The following MAP3K11 variants were observed in gnomAD, a reference collection of about 807,000 sequenced individuals.
MAP3K11 encodes the protein mitogen-activated protein kinase kinase kinase 11.
In MAP3K11, 46 loss-of-function variants were observed where a neutral mutation model predicts 84.9. The ratio of observed to expected loss-of-function variants is 0.54; its 90% CI spans 0.43 to 0.69. The LOEUF is 0.69. Among genes scored for constraint, MAP3K11 ranks in the 30% least tolerant of loss-of-function variants. The pLI is 0.00. For synonymous variants in MAP3K11, 527 were observed against 514.7 expected, an observed-to-expected ratio of 1.02 and a Z score of -0.32; for missense variants, 1,053 against 1,198.3, an observed-to-expected ratio of 0.88 and a Z score of 1.79.
chr11:65,607,514 C>A lies in MAP3K11; in HGVS notation c.1246-1G>T. 1.3e-6 allele frequency: 2 copies of A among 1,565,388 alleles called. No individual in the cohort carries two copies. The highest frequency in any genetic ancestry group is 8.6e-7 in the Non-Finnish European group (1 of 1,163,090). ...GCTCCTCCTCGCGGCTCAGTAGTTC[C>A]TGCGCCCGAGACAGCGATGGTGGAG... On this transcript the variant is annotated splice_acceptor_variant, in intron 4 of 9. Coordinates refer to ENST00000309100, the MANE Select transcript of MAP3K11 (RefSeq NM_002419.4). LOFTEE classifies it high-confidence loss of function.
intron 8 of MAP3K11, among the ~76,000 whole-genome samples, chr11:65,602,414 A>C (rs908238975): frequency 6.6e-6 from 1 of 152,008 alleles, no homozygotes; most frequent in Non-Finnish European, 1.5e-5. Flanking sequence ...GGGAAGCTGA[A>C]GCAGGTGGCT....
intron 8 of MAP3K11, among the ~76,000 whole-genome samples, chr11:65,604,180 A>G (rs78416147): frequency 0.012 from 1,860 of 152,366 alleles, 29 homozygotes; most frequent in African/African-American, 0.043. Context: ...TTCTCTTCAT[A>G]AATAATTAAC....
chr11:65,607,859 C>T (rs1485928878), intron 3 of MAP3K11, 43 bp from the exon 4 acceptor site: 1 of 1,606,112 alleles, frequency 6.2e-7, no homozygotes, highest in South Asian at 1.1e-5. Flanking sequence ...AGAAGGGGTC[C>T]GTGGGTGGAT....
Position 65,613,158 on chromosome 11 carries a change from G to T in MAP3K11, c.599C>A (p.Pro200His). ...CLVMEYAAGG[P>H]LSRALAGRRV... ...CCGCCCGGCCAGAGCTCGGCTGAGG[G>T]GCCCACCGGCTGCATACTCCATCAC... is the stretch of plus-strand genomic sequence containing the variant. The change falls in exon 1 of 10, where the codon CCC (proline) becomes CAC (histidine). Residue 200 changes from proline to histidine, a missense_variant. Coordinates refer to ENST00000309100, the MANE Select transcript of MAP3K11 (RefSeq NM_002419.4). The T allele has an allele frequency of 6.3e-7, 1 of 1,591,696 alleles. No individual in the cohort carries two copies. Among genetic ancestry groups the T allele is most frequent in the Non-Finnish European group, 8.6e-7 (1 of 1,168,530 alleles).
chr11:65,607,072 G>T, intron 5 of MAP3K11, 198 bp downstream of exon 5: 6 of 827,618 alleles, frequency 7.2e-6, no homozygotes, highest in Non-Finnish European at 1.0e-5. Context: ...CCCACTCCCA[G>T]ACCGACATGC....
chr11:65,600,650 A>G (rs1854445954), intron 8 of MAP3K11, among the ~76,000 whole-genome samples: 1 of 152,188 alleles, frequency 6.6e-6, no homozygotes, highest in Non-Finnish European at 1.5e-5. Flanking sequence ...ACCCCTCATT[A>G]AGGACAAGGG....
chr11:65,610,762 CA>C (rs1230101923), intron 1 of MAP3K11: 1 of 152,268 alleles, frequency 6.6e-6, no homozygotes, highest in East Asian at 1.9e-4. Flanking sequence ...GGCCACTCTC[CA>C]CCTTTTTCAG....
At position 65,605,931 on chromosome 11, in the gene MAP3K11, C is replaced by T. The variant is rs370906433; in HGVS notation, c.1739+15G>A. 297 of 1,604,320 alleles carry T rather than the reference C, an allele frequency of 1.9e-4. 1 individual carries two copies. The highest frequency in any genetic ancestry group is 1.7e-4 in the Middle Eastern group (1 of 6,034). ...AGCAAATGATGCTGGGTCTGGGGGGCACTCAGGTACTCACCTCCCATTCTG... is the reference window on the plus strand; with the variant it reads ...AGCAAATGATGCTGGGTCTGGGGGGTACTCAGGTACTCACCTCCCATTCTG... On this transcript the variant is annotated intron_variant, in intron 7 of 9. Coordinates refer to ENST00000309100, the MANE Select transcript of MAP3K11 (RefSeq NM_002419.4).
chr11:65,606,371 CT>C (rs1396352665), intron 6 of MAP3K11: 7 of 427,658 alleles, frequency 1.6e-5, no homozygotes, highest in Non-Finnish European at 2.5e-5. Context: ...TAACAAGTTA[CT>C]TTTTTCACTT....
In MAP3K11 at chr11:65,597,917, G is replaced by A. The variant is rs527747248; in HGVS notation, c.*374C>T. 10 of 194,268 alleles carry A rather than the reference G, an allele frequency of 5.1e-5. No homozygotes were observed. The highest frequency in any genetic ancestry group is 1.2e-4 in the Admixed American group (2 of 16,366). The allele number at this position is 194,268 out of a possible 1,614,324, so 12.0% of individuals were successfully genotyped here. A position where few individuals can be genotyped will look rare whatever the true frequency, so the allele number is the denominator to read the frequency against. Reference sequence around the variant, plus strand: ...TGCTCTAAGCCCTAGGGCAGGGGCCGCAGTAGCAGGACTTGGTCAAAAGTG... The same window carrying A: ...TGCTCTAAGCCCTAGGGCAGGGGCCACAGTAGCAGGACTTGGTCAAAAGTG... On this transcript the variant is annotated 3_prime_UTR_variant, in exon 10 of 10. Coordinates refer to ENST00000309100, the MANE Select transcript of MAP3K11 (RefSeq NM_002419.4).
At chr11:65,606,669 C>A in intron 6 of MAP3K11, 22 bp downstream of exon 6, 1 of 1,524,740 alleles carries the variant, frequency 6.6e-7, no homozygotes, top group Admixed American at 1.9e-5. Flanking sequence ...CGGAGAGGGG[C>A]ATGAGAGGTG....
intron 7 of MAP3K11, 21 bp from the exon 8 acceptor site, chr11:65,605,873 A>G: frequency 6.2e-7 from 1 of 1,612,706 alleles, no homozygotes; most frequent in African/African-American, 1.3e-5. Flanking sequence ...GAGGGCAAGG[A>G]GGGGTGCTTT....
chr11:65,607,945 T>G lies in MAP3K11; in HGVS notation c.1046A>C (p.Glu349Ala). The G allele has an allele frequency of 6.2e-7, 1 of 1,614,076 alleles. No individual in the cohort carries two copies. The highest frequency in any genetic ancestry group is 1.1e-5 in the South Asian group (1 of 91,076). The stretch of plus-strand genomic sequence containing the variant: ...ACCGGCCATAAGCTGTGCGAAGGGC[T>G]CGGGGCAGGTGGATGGGATGGGCAG... Reference protein sequence around the residue: ...LTLPIPSTCPEPFAQLMADCW... With the variant: ...LTLPIPSTCPAPFAQLMADCW... Residue 349 changes from glutamate (E) to alanine (A), a missense_variant, in exon 3 of 10, where the codon GAG becomes GCG. Physicochemically the swap from Glu to Ala is moderately radical, Grantham distance 107 (BLOSUM62 -1). Around this residue, in one of 3 missense-constraint regions of MAP3K11, gnomAD observed 310 missense variants for 464.5 expected, o/e 0.67. Coordinates refer to ENST00000309100, the MANE Select transcript of MAP3K11 (RefSeq NM_002419.4).
At chr11:65,602,008 C>T (rs1330074264) in intron 8 of MAP3K11, among the ~76,000 whole-genome samples, 1 of 149,608 alleles carries the variant, frequency 6.7e-6, no homozygotes, top group Non-Finnish European at 1.5e-5. Context: ...TCGAGACCAT[C>T]CTGGCCAACA....
chr11:65,606,708 C>T lies in MAP3K11; in HGVS notation c.1586G>A (p.Arg529Gln). 1 of 1,599,290 alleles carries T rather than the reference C, an allele frequency of 6.3e-7. No individual in the cohort carries two copies. The highest frequency in any genetic ancestry group is 8.5e-7 in the Non-Finnish European group (1 of 1,173,792). The stretch of plus-strand genomic sequence containing the variant: ...TTTCTTACACTGGATGGCTCGGAAC[C>T]GGGGAAAGGTGGGCGAATCCCCAGG... ...VGPGDSPTFP[R>Q]FRAIQLEPAE... Residue 529 changes from arginine to glutamine, a missense_variant, in exon 6 of 10, where the codon CGG becomes CAG. Arg to Gln is a conservative substitution (Grantham distance 43). Transcript: ENST00000309100.
chr11:65,608,405 C>A lies in MAP3K11; in HGVS notation c.783G>T (p.Lys261Asn), dbSNP rs1489217049. The A allele has an allele frequency of 6.2e-7, 1 of 1,614,196 alleles. No individual in the cohort carries two copies. The highest frequency in any genetic ancestry group is 1.7e-5 in the Admixed American group (1 of 60,030). The change falls in exon 2 of 10, where the codon AAG becomes AAT. Residue 261 changes from lysine (K) to asparagine (N), a missense_variant. Transcript: ENST00000309100. ...QPIESDDMEH[K>N]TLKITDFGLA... ...GGCCAAAGTCGGTGATCTTCAGGGT[C>A]TTGTGCTCCATGTCGTCACTCTCAA...
At chr11:65,612,065 C>T (rs1854576213) in intron 1 of MAP3K11, 1 of 152,288 alleles carries the variant, frequency 6.6e-6, no homozygotes, top group African/African-American at 2.4e-5. Flanking sequence ...AAGAATGTCT[C>T]ATGCTTTTCC....
At chr11:65,612,140 G>A (rs1817573137) in intron 1 of MAP3K11, 1 of 152,550 alleles carries the variant, frequency 6.6e-6, no homozygotes, top group Non-Finnish European at 1.5e-5. Flanking sequence ...TGCACTCTGG[G>A]CTCTAGGAGG....
chr11:65,612,788 C>T, intron 1 of MAP3K11: 1 of 420,322 alleles, frequency 2.4e-6, no homozygotes, highest in East Asian at 3.6e-5. Flanking sequence ...GTCCAAACCG[C>T]AGCTGCAGGC....
Sources: gnomAD v4.1 joint callset for allele counts (sites outside exome capture counted in the v4.1 genomes callset) on GRCh38, gnomAD v4.1.1 for gene constraint, gnomAD v4.1.1 regional missense constraint, MANE v1.5 for transcripts, NCBI Gene and HGNC (gene_info 2026-07-23, HGNC 2026-07-21) for gene names.